DCHS1: variants seen among roughly 807,000 people sequenced by gnomAD.
The protein encoded by DCHS1 is dachsous cadherin-related 1, also known as protocadherin-16.
DCHS1 carries 78 observed loss-of-function variants against 213.9 expected under a neutral mutation model. The observed-to-expected ratio is 0.36, with a 90% CI of 0.30 to 0.44. The LOEUF (loss-of-function observed/expected upper bound fraction) is 0.44. Ranked by LOEUF, DCHS1 falls within the 20% of genes least tolerant of loss-of-function variation. The probability of loss-of-function intolerance (pLI) is 1.00; values close to 1 mark genes in which losing one functional copy is unlikely to be tolerated. For synonymous variants in DCHS1, 1,828 were observed against 1,873.7 expected (o/e 0.98, Z 0.63); for missense variants, 3,946 against 4,395.9 (o/e 0.90, Z 2.89).
chr11:6,633,156 C>A, intron 5 of DCHS1, 100 bp from the exon 6 acceptor site: 1 of 1,394,578 alleles, frequency 7.2e-7, no homozygotes, highest in Non-Finnish European at 9.7e-7. Context: ...GTGCCCACAC[C>A]CATGCCTTTC....
chr11:6,625,386 C>T lies in DCHS1; in HGVS notation c.6958G>A (p.Asp2320Asn). 6.2e-7 allele frequency: 1 copy of T among 1,612,174 alleles called. No individual in the cohort carries two copies. ...WYVLSPSGPQ[D>N]PFSVGRYGGR... ...CCATAGCGGCCAACACTGAAGGGAT[C>T]CTGGGGCCCAGATGGGCTTAGCACA... The change falls in exon 19 of 21, where the codon GAT becomes AAT. Residue 2320 changes from aspartate to asparagine, a missense_variant. Around this residue, in one of 3 missense-constraint regions of DCHS1, gnomAD observed 3,384 missense variants for 3,780.1 expected, o/e 0.90. Transcript: ENST00000299441. This position sits in a 1 kb window ranked among gnomAD's most constrained non-coding sequence, Gnocchi z 5.3.
At position 6,624,400 on chromosome 11, in the gene DCHS1, G is replaced by A. The variant is rs748608951; in HGVS notation, c.7286-10C>T. The stretch of plus-strand genomic sequence containing the variant: ...ATTGTGAACAGGGTCCCTGAGATGA[G>A]AACGGAAGGGAAAGAAATATATTCA... On this transcript the variant is annotated splice_polypyrimidine_tract_variant and intron_variant, in intron 20 of 20. Transcript: ENST00000299441. 38 of 1,535,428 alleles carry A rather than the reference G, an allele frequency of 2.5e-5. No individual in the cohort carries two copies. The highest frequency in any genetic ancestry group is 3.3e-5 in the Non-Finnish European group (37 of 1,138,018).
At position 6,632,868 on chromosome 11, in the gene DCHS1, C is replaced by G. The variant is rs1467906831; in HGVS notation, c.2644G>C (p.Val882Leu). The G allele has an allele frequency of 6.2e-7, 1 of 1,613,922 alleles. No homozygotes were observed. The highest frequency in any genetic ancestry group is 2.2e-5 in the East Asian group (1 of 44,902). ...PPAFAVARVR[V>L]LLDDVNDNSP... is the part of the protein sequence containing the mutation. The stretch of plus-strand genomic sequence containing the variant: ...TTGTCATTCACATCATCCAGCAGCA[C>G]ACGCACCCGAGCTACAGCGAAAGCT... Residue 882 changes from valine to leucine, a missense_variant, in exon 6 of 21, where the codon GTG (valine) becomes CTG (leucine). Physicochemically the swap from Val to Leu is conservative, Grantham distance 32. Around this residue, in one of 3 missense-constraint regions of DCHS1, gnomAD observed 3,384 missense variants for 3,780.1 expected, o/e 0.90. Transcript: ENST00000299441. This position sits in a 1 kb window ranked among gnomAD's most constrained non-coding sequence, Gnocchi z 5.9.
Position 6,624,112 on chromosome 11 carries a change from T to C in DCHS1, c.7564A>G (p.Ile2522Val), listed in dbSNP as rs1346195935. ...SRSHAAVDYS[I>V]ISGNWGRVFQ... ...ACTCGGCCCCAGTTGCCACTGATGA[T>C]GCTGTAGTCCACAGCGGCATGGCTG... Residue 2522 changes from isoleucine (I) to valine (V), a missense_variant, in exon 21 of 21, where the codon ATC becomes GTC. By Grantham distance (29) the Ile-to-Val change is conservative. Coordinates refer to ENST00000299441, the MANE Select transcript of DCHS1 (RefSeq NM_003737.4). 6.2e-7 allele frequency: 1 copy of C among 1,612,056 alleles called. No individual in the cohort carries two copies. Among genetic ancestry groups the C allele is most frequent in the Non-Finnish European group, 8.5e-7 (1 of 1,179,202 alleles).
Position 6,622,057 on chromosome 11 carries a change from C to A in DCHS1, c.9619G>T (p.Ala3207Ser). The change falls in exon 21 of 21, where the codon GCC becomes TCC. Residue 3207 changes from alanine to serine, a missense_variant. Ala to Ser is a moderately conservative substitution (Grantham distance 99). Transcript: ENST00000299441. The surrounding 1 kb of genome is among the most constrained non-coding windows in gnomAD (Gnocchi z 5.4). ...PRIDPPPLIT[A>S]VAHPGAKSVP... ...GACTTGGCTCCTGGGTGGGCCACGG[C>A]AGTGATGAGGGGTGGTGGGTCGATA... The A allele has an allele frequency of 6.2e-7, 1 of 1,611,570 alleles. No individual in the cohort carries two copies. The highest frequency in any genetic ancestry group is 8.5e-7 in the Non-Finnish European group (1 of 1,178,968).
chr11:6,630,654 C>T lies in DCHS1; in HGVS notation c.4140G>A (p.Ala1380=), dbSNP rs1002303216. Residue 1380 remains alanine, a synonymous_variant, in exon 10 of 21, where the codon GCG becomes GCA. Coordinates refer to ENST00000299441, the MANE Select transcript of DCHS1 (RefSeq NM_003737.4). ...ACAAGCGCCCTGAGGCCGCATCCAG[C>T]GCGAAGGTGCCCTCGGGATCGGCAC... ...VGGADPEGTF[A]LDAASGRLYL... is the part of the protein sequence containing the mutation. 8 of 1,536,178 alleles carry T rather than the reference C, an allele frequency of 5.2e-6. No individual in the cohort carries two copies. Among genetic ancestry groups the T allele is most frequent in the Admixed American group, 2.0e-5 (1 of 50,052 alleles).
At position 6,628,827 on chromosome 11, in the gene DCHS1, T is replaced by C. The variant is rs751103276; in HGVS notation, c.5165A>G (p.Tyr1722Cys). 6 of 1,612,718 alleles carry C rather than the reference T, an allele frequency of 3.7e-6. No homozygotes were observed. The highest frequency in any genetic ancestry group is 2.2e-5 in the East Asian group (1 of 44,858). The change falls in exon 13 of 21, where the codon TAT becomes TGT. Residue 1722 changes from tyrosine (Y) to cysteine (C), a missense_variant. This residue lies in a region of DCHS1 where 3,384 missense variants were observed against 3,780.1 expected (regional missense o/e 0.90). Transcript: ENST00000299441. This position sits in a 1 kb window ranked among gnomAD's most constrained non-coding sequence, Gnocchi z 4.3. ...EEQEEINLTV[Y>C]AQDRGSPPQL... ...AGGAGGTGAGCCCCTGTCCTGGGCA[T>C]ACACTGTGGGGAAGCAAAATCAATG... is the stretch of plus-strand genomic sequence containing the variant.
At chr11:6,631,428 T>TA (rs773113243) in intron 7 of DCHS1, 21 bp from the exon 8 acceptor site, 2 of 1,610,388 alleles carry the variant, frequency 1.2e-6, no homozygotes, top group Non-Finnish European at 1.7e-6. Context: ...ACAACTCACC[T>TA]AGTGAGTCTC....
chr11:6,629,401 CTGGTG>C, intron 12 of DCHS1, 46 bp downstream of exon 12: 1 of 1,599,380 alleles, frequency 6.3e-7, no homozygotes, highest in Non-Finnish European at 8.5e-7. Flanking sequence ...CCAGGTAACA[CTGGTG>C]TTTACAACAC....
chr11:6,630,387 A>G lies in DCHS1; in HGVS notation c.4407T>C (p.Asn1469=), dbSNP rs1855881700. 2 of 1,396,194 alleles carry G rather than the reference A, an allele frequency of 1.4e-6. No homozygotes were observed. The highest frequency in any genetic ancestry group is 1.5e-5 in the African/African-American group (1 of 64,740). The allele number at this position is 1,396,194 out of a possible 1,614,324, so 86.5% of individuals were successfully genotyped here. Residue 1469 remains asparagine (N), a synonymous_variant, in exon 10 of 21, where the codon AAT becomes AAC. Transcript: ENST00000299441. ...GCAGCAGGCGGTAGCGCACGTCGCT[A>G]TTGGGGCCGGGGCCGTCGGCGTCCG... The part of the protein sequence containing the change: ...RASDADGPGP[N]SDVRYRLLRQ...
chr11:6,628,626 A>G lies in DCHS1; in HGVS notation c.5366T>C (p.Ile1789Thr). The G allele has an allele frequency of 1.2e-6, 2 of 1,613,978 alleles. No homozygotes were observed. Among genetic ancestry groups the G allele is most frequent in the Non-Finnish European group, 1.7e-6 (2 of 1,179,892 alleles). Residue 1789 changes from isoleucine (I) to threonine (T), a missense_variant, in exon 13 of 21, where the codon ATC becomes ACC. This residue lies in a region of DCHS1 where 3,384 missense variants were observed against 3,780.1 expected (regional missense o/e 0.90). Transcript: ENST00000299441. This position sits in a 1 kb window ranked among gnomAD's most constrained non-coding sequence, Gnocchi z 4.3. ...GGGAGTGGGAAGGTTCTCACCTAGG[A>G]TGCGGTACTGCAACTGCCCATTGGC... ...VGANGQLQYR[I>T]LDGDPSGAFV...
At position 6,652,870 on chromosome 11, in the gene DCHS1, A is replaced by G. The variant is rs111459645; in HGVS notation, c.-121+2693T>C. On this transcript the variant is annotated intron_variant, in intron 1 of 20. Coordinates refer to ENST00000299441, the MANE Select transcript of DCHS1 (RefSeq NM_003737.4). ...GCCCTGCTGATCCCACTGCCTAAAGAGCTCTTGAAACCATCCACTTTCTCC... is the reference window on the plus strand; with the variant it reads ...GCCCTGCTGATCCCACTGCCTAAAGGGCTCTTGAAACCATCCACTTTCTCC... 5.1e-3 allele frequency among the ~76,000 whole-genome samples: 770 copies of G among 152,150 alleles called. 3 individuals are homozygous for G. Among genetic ancestry groups the G allele is most frequent in the South Asian group, 0.011 (55 of 4,810 alleles).
chr11:6,634,813 G>A (rs1427805810), intron 2 of DCHS1: 1 of 152,154 alleles, frequency 6.6e-6, no homozygotes, highest in Non-Finnish European at 1.5e-5. Flanking sequence ...ACCTGAAAGG[G>A]ACATTTGTTT....
At chr11:6,649,400 G>A (rs1856212756) in intron 1 of DCHS1, among the ~76,000 whole-genome samples, 1 of 151,832 alleles carries the variant, frequency 6.6e-6, no homozygotes, top group Admixed American at 6.6e-5. Flanking sequence ...GAGAGGAGGA[G>A]GAGCTCAATG....
At chr11:6,655,512 G>A in intron 1 of DCHS1, 51 bp downstream of exon 1, 1 of 964,446 alleles carries the variant, frequency 1.0e-6, no homozygotes, top group Non-Finnish European at 1.2e-6. Context: ...AGGGGAGGCC[G>A]GCGGGCAGGG....
In DCHS1 at chr11:6,624,376, T is replaced by C. The variant is rs1344297958; in HGVS notation, c.7300A>G (p.Ile2434Val). 3.2e-6 allele frequency: 5 copies of C among 1,563,582 alleles called. No individual in the cohort carries two copies. The highest frequency in any genetic ancestry group is 3.5e-6 in the Non-Finnish European group (4 of 1,153,374). Residue 2434 changes from isoleucine (I) to valine (V), a missense_variant, in exon 21 of 21, where the codon ATA becomes GTA. Physicochemically the swap from Ile to Val is conservative, Grantham distance 29 (BLOSUM62 3). Coordinates refer to ENST00000299441, the MANE Select transcript of DCHS1 (RefSeq NM_003737.4). ...VDPNNGTLFT[I>V]VGTVALGHDG... ...TGGCCCAAGGCCACTGTTCCCACTA[T>C]TGTGAACAGGGTCCCTGAGATGAGA... is the stretch of plus-strand genomic sequence containing the variant.
rs755435182 is a variant in DCHS1, at chr11:6,632,320, G to C, written c.3192C>G (p.Ala1064=). 9 of 1,613,912 alleles carry C rather than the reference G, an allele frequency of 5.6e-6. No individual in the cohort carries two copies. Among genetic ancestry groups the C allele is most frequent in the Non-Finnish European group, 7.6e-6 (9 of 1,179,850 alleles). ...TTACCTTCAGTATGTACAATTCCTGGGCCTCACGGTCTAGTGCTGCCCGCA... is the reference window on the plus strand; with the variant it reads ...TTACCTTCAGTATGTACAATTCCTGCGCCTCACGGTCTAGTGCTGCCCGCA... ...LWVRAALDRE[A]QELYILKVMA... The change falls in exon 6 of 21, where the codon GCC becomes GCG. Residue 1064 remains alanine, a synonymous_variant. Coordinates refer to ENST00000299441, the MANE Select transcript of DCHS1 (RefSeq NM_003737.4). This position sits in a 1 kb window ranked among gnomAD's most constrained non-coding sequence, Gnocchi z 5.9.
chr11:6,645,886 A>C (rs1162110341), intron 1 of DCHS1, among the ~76,000 whole-genome samples: 3 of 152,158 alleles, frequency 2.0e-5, no homozygotes, highest in Non-Finnish European at 4.4e-5. Flanking sequence ...CATTCAACAC[A>C]TGCTCATACA....
chr11:6,624,486 T>A, intron 20 of DCHS1, 96 bp from the exon 21 acceptor site: 1 of 1,401,994 alleles, frequency 7.1e-7, no homozygotes, highest in Non-Finnish European at 9.5e-7. Context: ...GTTTTGGAAG[T>A]CAGACTCAGG....
Sources: allele counts gnomAD v4.1 joint callset (sites outside exome capture counted in the v4.1 genomes callset), GRCh38; gene constraint gnomAD v4.1.1; regional missense constraint gnomAD v4.1.1; non-coding constraint Gnocchi (gnomAD v3.1); transcripts MANE v1.5; gene names NCBI Gene and HGNC (gene_info 2026-07-23, HGNC 2026-07-21).